The following SYNDIG1 variants were observed in gnomAD, a reference collection of about 807,000 sequenced individuals.
SYNDIG1 encodes the protein synapse differentiation inducing 1, also known as synapse differentiation-inducing gene protein 1.
SYNDIG1 carries 9 observed loss-of-function variants against 19.4 expected under a neutral mutation model. The observed-to-expected ratio is 0.46, with a 90% CI of 0.28 to 0.81. The LOEUF (loss-of-function observed/expected upper bound fraction) is 0.81. SYNDIG1 is among the 30% of genes least tolerant of loss of function. The pLI is 0.12. For missense variants in SYNDIG1, 311 were observed against 343.3 expected, an observed-to-expected ratio of 0.91 and a Z score of 0.74; for synonymous variants, 141 against 145.9, an observed-to-expected ratio of 0.97 and a Z score of 0.24.
At chr20:24,548,887 ACTT>A (rs2057645337) in intron 2 of SYNDIG1, among the ~76,000 whole-genome samples, 1 of 152,060 alleles carries the variant, frequency 6.6e-6, no homozygotes, top group Non-Finnish European at 1.5e-5. Context: ...CTTTGTCACT[ACTT>A]TGTTGAAGAG....
At chr20:24,636,539 T>C (rs899989864) in intron 3 of SYNDIG1, among the ~76,000 whole-genome samples, 5 of 152,192 alleles carry the variant, frequency 3.3e-5, no homozygotes. Context: ...ACAAAGAAGC[T>C]GGCCACCTCT....
intron 2 of SYNDIG1, among the ~76,000 whole-genome samples, chr20:24,581,976 C>A (rs2058332060): frequency 6.6e-6 from 1 of 151,186 alleles, no homozygotes. Flanking sequence ...ACTGCACATC[C>A]TCCCCTCTGC....
At chr20:24,561,331 C>T (rs1181974388) in intron 2 of SYNDIG1, among the ~76,000 whole-genome samples, 5 of 152,166 alleles carry the variant, frequency 3.3e-5, no homozygotes, top group African/African-American at 1.2e-4. Context: ...AGGAGCTCCC[C>T]GTTAAATTCC....
At chr20:24,660,903 G>A (rs1306760355) in intron 3 of SYNDIG1, among the ~76,000 whole-genome samples, 2 of 152,218 alleles carry the variant, frequency 1.3e-5, no homozygotes, top group African/African-American at 2.4e-5. Context: ...TGAGGGGGCC[G>A]GTCAGCCGCT....
In SYNDIG1 at chr20:24,636,236, CT is replaced by C. The variant is rs1265242096; in HGVS notation, c.619-29109del. 2.6e-5 allele frequency among the ~76,000 whole-genome samples: 4 copies of C among 152,268 alleles called. No individual in the cohort carries two copies. In the East Asian group the frequency reaches 7.7e-4, roughly 29 times the overall value. ...TGCATAAGTTGGAAGTGATTTTCATCTATTATTGAAGCTGCGTCATTGTTTG... is the reference window on the plus strand; with the variant it reads ...TGCATAAGTTGGAAGTGATTTTCATCATTATTGAAGCTGCGTCATTGTTTG... On this transcript the variant is annotated intron_variant, in intron 3 of 3. Coordinates refer to ENST00000376862, the MANE Select transcript of SYNDIG1 (RefSeq NM_024893.3).
At chr20:24,470,683 C>G (rs73341653) in intron 1 of SYNDIG1, among the ~76,000 whole-genome samples, 4,156 of 152,302 alleles carry the variant, frequency 0.027, 214 homozygotes, top group African/African-American at 0.095. Context: ...TAGAGTGGCT[C>G]TGGCAGCCGA....
chr20:24,579,920 T>C (rs896676979), intron 2 of SYNDIG1, among the ~76,000 whole-genome samples: 20 of 152,240 alleles, frequency 1.3e-4, no homozygotes, highest in African/African-American at 4.6e-4. Flanking sequence ...TGCGCTATGA[T>C]TATTTTGTTA....
intron 1 of SYNDIG1, among the ~76,000 whole-genome samples, chr20:24,472,460 AATT>A (rs1409971037): frequency 6.6e-6 from 1 of 152,218 alleles, no homozygotes; most frequent in Non-Finnish European, 1.5e-5. Flanking sequence ...TTTTCTCATT[AATT>A]TTAAATCGTA....
intron 2 of SYNDIG1, among the ~76,000 whole-genome samples, chr20:24,563,476 C>T (rs2057983612): frequency 6.6e-6 from 1 of 152,260 alleles, no homozygotes; most frequent in Non-Finnish European, 1.5e-5. Flanking sequence ...GACACCGGAC[C>T]CCTCACCCAT....
At chr20:24,605,693 A>AT (rs199962490) in intron 3 of SYNDIG1, among the ~76,000 whole-genome samples, 75 of 151,836 alleles carry the variant, frequency 4.9e-4, no homozygotes, top group African/African-American at 1.5e-3. Context: ...GATTGGATAG[A>AT]TTTTTTTTTC....
chr20:24,590,278 G>A (rs1196183266), intron 3 of SYNDIG1, among the ~76,000 whole-genome samples: 2 of 152,018 alleles, frequency 1.3e-5, no homozygotes, highest in Non-Finnish European at 2.9e-5. Flanking sequence ...TGGGGCCGGC[G>A]CGGCGGGGCT....
chr20:24,481,288 C>T (rs538252246), intron 1 of SYNDIG1, among the ~76,000 whole-genome samples: 8 of 152,256 alleles, frequency 5.3e-5, no homozygotes, highest in South Asian at 2.1e-4. Context: ...ACAGTGGGGA[C>T]GGCTTATCTT....
chr20:24,507,994 G>A (rs73343312), intron 1 of SYNDIG1, among the ~76,000 whole-genome samples: 9,304 of 152,214 alleles, frequency 0.061, 317 homozygotes, highest in Admixed American at 0.12. Flanking sequence ...AGAAGAGCCT[G>A]GGGCCCAAGA....
intron 3 of SYNDIG1, among the ~76,000 whole-genome samples, chr20:24,606,317 G>A (rs942995605): frequency 4.6e-5 from 7 of 152,230 alleles, no homozygotes. Context: ...CTCCTGAACA[G>A]CTGATGGTCA....
chr20:24,568,763 G>A (rs146308755), intron 2 of SYNDIG1, among the ~76,000 whole-genome samples: 179 of 152,350 alleles, frequency 1.2e-3, no homozygotes, highest in Non-Finnish European at 2.4e-3. Context: ...AGCATTTGAT[G>A]TAACAATTAG....
chr20:24,539,179 A>G (rs1477486096), intron 1 of SYNDIG1, among the ~76,000 whole-genome samples: 1 of 152,214 alleles, frequency 6.6e-6, no homozygotes, highest in Non-Finnish European at 1.5e-5. Context: ...GACAAATCCA[A>G]TGTCATGAAG....
rs1409681756 is a variant in SYNDIG1 at position 24,665,522 on chromosome 20, G to A, written c.*18G>A. ...ACCTGTGAGCTTCCTGCGAATGGAG[G>A]GGGAGCACCCGGGGCCAGGTCTGTG... On this transcript the variant is annotated 3_prime_UTR_variant, in exon 4 of 4. Coordinates refer to ENST00000376862, the MANE Select transcript of SYNDIG1 (RefSeq NM_024893.3). The A allele has an allele frequency of 1.9e-6, 3 of 1,613,884 alleles. No homozygotes were observed. The highest frequency in any genetic ancestry group is 4.5e-5 in the East Asian group (2 of 44,874).
chr20:24,583,073 G>T (rs1248100538), intron 2 of SYNDIG1, among the ~76,000 whole-genome samples: 1 of 152,070 alleles, frequency 6.6e-6, no homozygotes, highest in East Asian at 1.9e-4. Flanking sequence ...GGAGCCTCAG[G>T]TCTCACTGCA....
At chr20:24,582,929 T>C (rs995960555) in intron 2 of SYNDIG1, among the ~76,000 whole-genome samples, 1 of 152,174 alleles carries the variant, frequency 6.6e-6, no homozygotes, top group African/African-American at 2.4e-5. Context: ...CTTGCCCTGT[T>C]GGTGGAGTGG....
Sources: allele counts gnomAD v4.1 joint callset (sites outside exome capture counted in the v4.1 genomes callset), GRCh38; gene constraint gnomAD v4.1.1; transcripts MANE v1.5; gene names NCBI Gene and HGNC (gene_info 2026-07-23, HGNC 2026-07-21).